The following RAB30 variants were observed in gnomAD, a reference collection of about 807,000 sequenced individuals.
RAB30 encodes the protein ras-related protein Rab-30.
A neutral mutation model predicts 25.1 loss-of-function variants in RAB30; 9 were observed. The ratio of observed to expected loss-of-function variants is 0.36; its 90% CI spans 0.22 to 0.63. The LOEUF is 0.63. Ranked by LOEUF, RAB30 falls within the 20% of genes least tolerant of loss-of-function variation. RAB30 has a pLI of 0.69. For synonymous variants in RAB30, 77 were observed against 86.4 expected (o/e 0.89, Z 0.60); for missense variants, 140 against 243.5 (o/e 0.58, Z 2.83).
Position 82,997,452 on chromosome 11 carries a change from C to T in RAB30, c.-8-128G>A, listed in dbSNP as rs1043125177. ...TTAAAGAGCAATTTAAAGCTCCCCT[C>T]CGGTGACCCTGCCAGCTAGACAGAA... is the stretch of plus-strand genomic sequence containing the variant. On this transcript the variant is annotated intron_variant, in intron 1 of 4. Transcript: ENST00000527633. 3.0e-5 allele frequency: 20 copies of T among 657,222 alleles called. No individual in the cohort carries two copies. In the Admixed American group the frequency reaches 3.4e-4, roughly 11 times the overall value. 40.7% of individuals were successfully genotyped at this position (657,222 alleles called of 1,614,324 possible). A position where few individuals can be genotyped will look rare whatever the true frequency, so the allele number is the denominator to read the frequency against.
intron 1 of RAB30, among the ~76,000 whole-genome samples, chr11:83,014,670 G>GAA (rs992495101): frequency 2.7e-5 from 4 of 145,684 alleles, no homozygotes; most frequent in African/African-American, 1.0e-4. Context: ...AAGAAAGAAA[G>GAA]AAAGAAAGAA....
intron 1 of RAB30, among the ~76,000 whole-genome samples, chr11:83,012,158 G>T (rs1366809564): frequency 6.6e-6 from 1 of 152,180 alleles, no homozygotes; most frequent in African/African-American, 2.4e-5. Context: ...GAGGAAAAAA[G>T]CTGCTGTGTT....
At chr11:83,067,819 C>T (rs1858738772) in intron 1 of RAB30, among the ~76,000 whole-genome samples, 1 of 152,060 alleles carries the variant, frequency 6.6e-6, no homozygotes, top group African/African-American at 2.4e-5. Context: ...TGGTGAAACC[C>T]CATCTCTACT....
At chr11:82,989,530 A>T (rs1006966036) in intron 3 of RAB30, among the ~76,000 whole-genome samples, 4 of 152,136 alleles carry the variant, frequency 2.6e-5, no homozygotes, top group Non-Finnish European at 5.9e-5. Context: ...TCTGCCTCAA[A>T]CCTAGGGACA....
At chr11:83,029,761 T>C (rs1857809717) in intron 1 of RAB30, among the ~76,000 whole-genome samples, 1 of 152,092 alleles carries the variant, frequency 6.6e-6, no homozygotes, top group African/African-American at 2.4e-5. Context: ...AGCAGCACAA[T>C]TCACAATTGC....
intron 1 of RAB30, among the ~76,000 whole-genome samples, chr11:83,021,848 G>C (rs1275724437): frequency 1.3e-5 from 2 of 152,198 alleles, no homozygotes; most frequent in African/African-American, 4.8e-5. Context: ...ACAGTACCTG[G>C]CCTATAGGAA....
chr11:83,059,618 C>T (rs1000142287), intron 1 of RAB30, among the ~76,000 whole-genome samples: 8 of 152,202 alleles, frequency 5.3e-5, no homozygotes, highest in African/African-American at 1.7e-4. Flanking sequence ...TTGAGTTAAT[C>T]AAAACTGGGT....
chr11:83,044,060 G>A (rs1254836735), intron 1 of RAB30, among the ~76,000 whole-genome samples: 2 of 152,104 alleles, frequency 1.3e-5, no homozygotes, highest in Non-Finnish European at 2.9e-5. Flanking sequence ...AGAAAAATTT[G>A]TGTAGGGTTG....
At chr11:83,051,269 A>T (rs1271137967) in intron 1 of RAB30, among the ~76,000 whole-genome samples, 1 of 152,186 alleles carries the variant, frequency 6.6e-6, no homozygotes, top group Non-Finnish European at 1.5e-5. Flanking sequence ...AGGAATAACC[A>T]TGTTGAACTG....
chr11:83,026,446 T>A (rs1439581910), intron 1 of RAB30, among the ~76,000 whole-genome samples: 1 of 152,128 alleles, frequency 6.6e-6, no homozygotes. Flanking sequence ...ATGTGAGATC[T>A]GGTTAAGAGT....
rs1024315980 is a variant in RAB30 at position 82,981,388 on chromosome 11, C to T, written c.*777G>A. 1 of 152,428 alleles carries T rather than the reference C, an allele frequency of 6.6e-6. No individual in the cohort carries two copies. The highest frequency in any genetic ancestry group is 1.5e-5 in the Non-Finnish European group (1 of 68,020). 9.4% of individuals were successfully genotyped at this position (152,428 alleles called of 1,614,324 possible). A position where few individuals can be genotyped will look rare whatever the true frequency, so the allele number is the denominator to read the frequency against. On this transcript the variant is annotated 3_prime_UTR_variant, in exon 5 of 5. Coordinates refer to ENST00000527633, the MANE Select transcript of RAB30 (RefSeq NM_001286060.2). ...CATAAAAGGAAAAGTATTCTCTTTT[C>T]CCAAAAATCCACCTTTAAAAAGGTA...
rs1187733969 is a variant in RAB30 at position 82,976,852 on chromosome 11, T to C, written c.*5313A>G. On this transcript the variant is annotated 3_prime_UTR_variant, in exon 5 of 5. Coordinates refer to ENST00000527633, the MANE Select transcript of RAB30 (RefSeq NM_001286060.2). ...AGCAAAAATTGCTTACAGTTACCTC[T>C]AATTTGCAAGTCAAAAATACTTGTT... is the stretch of plus-strand genomic sequence containing the variant. The C allele has an allele frequency of 2.0e-5, 3 of 152,376 alleles. No individual in the cohort carries two copies. The highest frequency in any genetic ancestry group is 7.2e-5 in the African/African-American group (3 of 41,592). 9.4% of individuals were successfully genotyped at this position (152,376 alleles called of 1,614,324 possible). A position where few individuals can be genotyped will look rare whatever the true frequency, so the allele number is the denominator to read the frequency against.
chr11:83,013,455 G>A (rs1857348641), intron 1 of RAB30, among the ~76,000 whole-genome samples: 1 of 152,138 alleles, frequency 6.6e-6, no homozygotes, highest in Non-Finnish European at 1.5e-5. Flanking sequence ...AGAGGCTCCT[G>A]CAAATTCCTA....
rs3793987 is a variant in RAB30 at position 82,993,926 on chromosome 11, A to C, written c.177+113T>G. ...GAAATAAGCCATTATGGCTGAGTGC[A>C]TTGTTTCCATGTGGGTTTCAATTAG... On this transcript the variant is annotated intron_variant, in intron 3 of 4. Transcript: ENST00000527633. 8.4e-6 allele frequency: 7 copies of C among 832,194 alleles called. No individual in the cohort carries two copies. The African/African-American group carries it at 1.0e-4, about 12-fold the overall frequency. The allele number at this position is 832,194 out of a possible 1,614,324, so 51.6% of individuals were successfully genotyped here.
rs1440587571 is a variant in RAB30 at position 82,975,328 on chromosome 11, A to C, written c.*6837T>G. On this transcript the variant is annotated 3_prime_UTR_variant, in exon 5 of 5. Transcript: ENST00000527633. ...TTCAAAAGACTTGTCAAGTTTTACT[A>C]TTGTTATTTAATCCAGGCATAAATG... The C allele has an allele frequency of 6.6e-6, 1 of 152,170 alleles. No individual in the cohort carries two copies. The highest frequency in any genetic ancestry group is 6.5e-5 in the Admixed American group (1 of 15,268). 9.4% of individuals were successfully genotyped at this position (152,170 alleles called of 1,614,324 possible).
At chr11:83,030,652 C>T (rs188859953) in intron 1 of RAB30, among the ~76,000 whole-genome samples, 1 of 152,120 alleles carries the variant, frequency 6.6e-6, no homozygotes, top group East Asian at 1.9e-4. Context: ...CAAAAGTTAG[C>T]TAGGCATGGT....
In RAB30 at chr11:82,980,460, C is replaced by A. The variant is rs930359936; in HGVS notation, c.*1705G>T. 1 of 152,186 alleles carries A rather than the reference C, an allele frequency of 6.6e-6. No homozygotes were observed. The highest frequency in any genetic ancestry group is 2.1e-4 in the South Asian group (1 of 4,834). The allele number at this position is 152,186 out of a possible 1,614,324, so 9.4% of individuals were successfully genotyped here. ...TTATCCACATCATGTCTCTACATGA[C>A]TAATTTCTTTACAATTAAATAGCTT... On this transcript the variant is annotated 3_prime_UTR_variant, in exon 5 of 5. Coordinates refer to ENST00000527633, the MANE Select transcript of RAB30 (RefSeq NM_001286060.2).
intron 1 of RAB30, among the ~76,000 whole-genome samples, chr11:83,067,749 T>C (rs1045330169): frequency 1.3e-5 from 2 of 152,122 alleles, no homozygotes; most frequent in South Asian, 4.1e-4. Flanking sequence ...CCCAGAACTT[T>C]GGGAGGCAGA....
chr11:83,047,589 T>C (rs755930748), intron 1 of RAB30, among the ~76,000 whole-genome samples: 25 of 152,150 alleles, frequency 1.6e-4, no homozygotes, highest in Non-Finnish European at 3.1e-4. Context: ...CTATTAACAA[T>C]AATAGAAGAT....
Sources: allele counts gnomAD v4.1 joint callset (sites outside exome capture counted in the v4.1 genomes callset), GRCh38; gene constraint gnomAD v4.1.1; transcripts MANE v1.5; gene names NCBI Gene and HGNC (gene_info 2026-07-23, HGNC 2026-07-21).